Variants in ADAMTS5 observed in about 807,000 individuals in gnomAD.
ADAMTS5 encodes A disintegrin and metalloproteinase with thrombospondin motifs 5.
Under a neutral mutation model 81.4 loss-of-function variants are expected in ADAMTS5, and 54 were observed. The observed-to-expected ratio is 0.66, with a 90% CI of 0.53 to 0.83. The LOEUF (loss-of-function observed/expected upper bound fraction) is 0.83. ADAMTS5 is among the 40% of genes least tolerant of loss of function. The pLI is 0.00. For synonymous variants in ADAMTS5, 532 were observed against 508.8 expected (o/e 1.05, Z -0.61); for missense variants, 1,194 against 1,229.9 (o/e 0.97, Z 0.44).
rs1447852621 is a variant in ADAMTS5 at position 26,919,805 on chromosome 21, CTGTT to C, written c.*4244_*4247del. 6.6e-6 allele frequency: 1 copy of C among 152,022 alleles called. No homozygotes were observed. Among genetic ancestry groups the C allele is most frequent in the Admixed American group, 6.6e-5 (1 of 15,244 alleles). 9.4% of individuals were successfully genotyped at this position (152,022 alleles called of 1,614,324 possible). A position where few individuals can be genotyped will look rare whatever the true frequency, so the allele number is the denominator to read the frequency against. On this transcript the variant is annotated 3_prime_UTR_variant, in exon 8 of 8. Coordinates refer to ENST00000284987, the MANE Select transcript of ADAMTS5 (RefSeq NM_007038.5). Reference sequence around the variant, plus strand: ...GTACTAGCCAGTTAAGTTGATCTATCTGTTTGATAACCTAAAACTATAGATTGTT... The same window carrying C: ...GTACTAGCCAGTTAAGTTGATCTATCTGATAACCTAAAACTATAGATTGTT...
At chr21:26,927,483 C>T (rs547500007) in intron 7 of ADAMTS5, among the ~76,000 whole-genome samples, 17 of 152,204 alleles carry the variant, frequency 1.1e-4, no homozygotes, top group Admixed American at 1.1e-3. Context: ...GTGTTCCAGG[C>T]AGAGGAAACA....
chr21:26,954,949 C>T, intron 1 of ADAMTS5, 78 bp from the exon 2 acceptor site: 1 of 1,534,670 alleles, frequency 6.5e-7, no homozygotes, highest in Admixed American at 1.9e-5. Flanking sequence ...ACTTGCTTAC[C>T]CCAAATGGCA....
At chr21:26,937,763 T>A (rs1320613408) in intron 3 of ADAMTS5, among the ~76,000 whole-genome samples, 2 of 152,216 alleles carry the variant, frequency 1.3e-5, no homozygotes, top group East Asian at 3.8e-4. Flanking sequence ...GCATCCAACC[T>A]AGTGCTGATT....
In ADAMTS5 at chr21:26,921,971, A is replaced by T. The variant is rs1373429281; in HGVS notation, c.*2082T>A. 6.6e-6 allele frequency: 1 copy of T among 152,138 alleles called. No individual in the cohort carries two copies. Among genetic ancestry groups the T allele is most frequent in the East Asian group, 1.9e-4 (1 of 5,198 alleles). 9.4% of individuals were successfully genotyped at this position (152,138 alleles called of 1,614,324 possible). A position where few individuals can be genotyped will look rare whatever the true frequency, so the allele number is the denominator to read the frequency against. The stretch of plus-strand genomic sequence containing the variant: ...AAATAAATTTTGTCACATTTGAGTT[A>T]CTTGATTAAAATTATTTCCAAAATG... On this transcript the variant is annotated 3_prime_UTR_variant, in exon 8 of 8. Coordinates refer to ENST00000284987, the MANE Select transcript of ADAMTS5 (RefSeq NM_007038.5).
chr21:26,934,377 A>C, intron 4 of ADAMTS5, 89 bp downstream of exon 4: 9 of 1,484,968 alleles, frequency 6.1e-6, no homozygotes, highest in Non-Finnish European at 8.2e-6. Context: ...TAGAAAATAA[A>C]GCCTTCTGAG....
intron 1 of ADAMTS5, among the ~76,000 whole-genome samples, chr21:26,958,180 C>T (rs1483877634): frequency 5.3e-5 from 8 of 152,218 alleles, no homozygotes; most frequent in Admixed American, 1.3e-4. Context: ...AGTGCAAATA[C>T]GCTGAGGGAG....
chr21:26,944,407 T>C (rs1987174881), intron 2 of ADAMTS5, among the ~76,000 whole-genome samples: 1 of 152,184 alleles, frequency 6.6e-6, no homozygotes. Context: ...CCAGTCAAGC[T>C]AGATATTATT....
At chr21:26,939,784 A>G (rs1038226420) in intron 3 of ADAMTS5, 2 of 152,228 alleles carry the variant, frequency 1.3e-5, no homozygotes, top group Admixed American at 1.3e-4. Flanking sequence ...ACCTGCTTTC[A>G]CTGCACAATT....
Position 26,934,859 on chromosome 21 carries a change from A to G in ADAMTS5, c.1406-110T>C, listed in dbSNP as rs138323674. 6.9e-4 allele frequency: 961 copies of G among 1,384,038 alleles called. 5 individuals carry two copies. In the African/African-American group the frequency reaches 8.3e-3, roughly 12 times the overall value. 85.7% of individuals were successfully genotyped at this position (1,384,038 alleles called of 1,614,324 possible). A position where few individuals can be genotyped will look rare whatever the true frequency, so the allele number is the denominator to read the frequency against. On this transcript the variant is annotated intron_variant, in intron 3 of 7. Coordinates refer to ENST00000284987, the MANE Select transcript of ADAMTS5 (RefSeq NM_007038.5). ...GCTGGTGTTGGAGCACGAGGCACCC[A>G]TGAATCTGTAGTGTAATGCTCTGGA...
intron 6 of ADAMTS5, 60 bp from the exon 7 acceptor site, chr21:26,930,121 G>A: frequency 6.5e-7 from 1 of 1,534,600 alleles, no homozygotes. Flanking sequence ...TGCTCCTTTG[G>A]TCAACTAGTA....
In ADAMTS5 at chr21:26,919,771, T is replaced by C. The variant is rs993720950; in HGVS notation, c.*4282A>G. ...TGCTAACAAAGGATTCTTAGGAAGA[T>C]TTTTCAATGTACTAGCCAGTTAAGT... On this transcript the variant is annotated 3_prime_UTR_variant, in exon 8 of 8. Coordinates refer to ENST00000284987, the MANE Select transcript of ADAMTS5 (RefSeq NM_007038.5). 6.6e-6 allele frequency: 1 copy of C among 152,102 alleles called. No individual in the cohort carries two copies. Among genetic ancestry groups the C allele is most frequent in the Non-Finnish European group, 1.5e-5 (1 of 68,000 alleles). The allele number at this position is 152,102 out of a possible 1,614,324, so 9.4% of individuals were successfully genotyped here. A position where few individuals can be genotyped will look rare whatever the true frequency, so the allele number is the denominator to read the frequency against.
At chr21:26,927,544 G>A (rs988311866) in intron 7 of ADAMTS5, among the ~76,000 whole-genome samples, 8 of 152,166 alleles carry the variant, frequency 5.3e-5, no homozygotes, top group African/African-American at 1.7e-4. Flanking sequence ...AGTGCATTCT[G>A]GTCAGAGCAG....
rs753190231 is a variant in ADAMTS5, at chr21:26,924,222, G to A, written c.2624C>T (p.Ser875Leu). The A allele has an allele frequency of 2.4e-5, 39 of 1,614,090 alleles. No individual in the cohort carries two copies. Among genetic ancestry groups the A allele is most frequent in the African/African-American group, 1.9e-4 (14 of 74,942 alleles). The change falls in exon 8 of 8, where the codon TCG (serine) becomes TTG (leucine). Residue 875 changes from serine (S) to leucine (L), a missense_variant. Transcript: ENST00000284987. ...TGGGCCCGTGACCCACTGCGGCTGCGAAGTGTGTGATCCCACTTTATTGCT... is the reference window on the plus strand; with the variant it reads ...TGGGCCCGTGACCCACTGCGGCTGCAAAGTGTGTGATCCCACTTTATTGCT... ...HGSNKVGSHT[S>L]QPQWVTGPWL...
rs1986747336 is a variant in ADAMTS5 at position 26,923,832 on chromosome 21, A to G, written c.*221T>C. The G allele has an allele frequency of 2.0e-6, 1 of 488,590 alleles. No homozygotes were observed. The highest frequency in any genetic ancestry group is 3.1e-5 in the East Asian group (1 of 32,292). The allele number at this position is 488,590 out of a possible 1,614,324, so 30.3% of individuals were successfully genotyped here. On this transcript the variant is annotated 3_prime_UTR_variant, in exon 8 of 8. Transcript: ENST00000284987. ...TTCTTGTAAGCCCAGGGGATGTTCA[A>G]TAACTCCCAAGTTTTTCTATATTGC...
chr21:26,965,132 A>G (rs1467918052), intron 1 of ADAMTS5, among the ~76,000 whole-genome samples, 156 bp downstream of exon 1: 1 of 152,202 alleles, frequency 6.6e-6, no homozygotes, highest in Non-Finnish European at 1.5e-5. Context: ...TGAATACAGG[A>G]GCAGAGTTGA....
At chr21:26,965,154 AT>A in intron 1 of ADAMTS5, 133 bp downstream of exon 1, 1 of 1,346,770 alleles carries the variant, frequency 7.4e-7, no homozygotes, top group Non-Finnish European at 1.0e-6. Context: ...GGCTGGTTGG[AT>A]TTCCTGCAAG....
At position 26,920,686 on chromosome 21, in the gene ADAMTS5, G is replaced by C. The variant is rs1986674131; in HGVS notation, c.*3367C>G. ...TATTGGCTGTGTCTTAGCGTCTGTA[G>C]GAAGCTTCTAGGCTATTTGTGTACC... is the stretch of plus-strand genomic sequence containing the variant. On this transcript the variant is annotated 3_prime_UTR_variant, in exon 8 of 8. Transcript: ENST00000284987. 6.6e-6 allele frequency: 1 copy of C among 152,002 alleles called. No individual in the cohort carries two copies. 9.4% of individuals were successfully genotyped at this position (152,002 alleles called of 1,614,324 possible). A position where few individuals can be genotyped will look rare whatever the true frequency, so the allele number is the denominator to read the frequency against.
chr21:26,936,446 A>G (rs1019450290), intron 3 of ADAMTS5, among the ~76,000 whole-genome samples: 1 of 152,196 alleles, frequency 6.6e-6, no homozygotes, highest in African/African-American at 2.4e-5. Context: ...TATTCTTTTT[A>G]TTCAACAAAA....
intron 4 of ADAMTS5, among the ~76,000 whole-genome samples, chr21:26,933,831 G>A (rs556213105): frequency 6.6e-6 from 1 of 152,310 alleles, no homozygotes; most frequent in African/African-American, 2.4e-5. Context: ...GAAAGATACA[G>A]GCAATGGGCA....
Sources: gnomAD v4.1 joint callset for allele counts (sites outside exome capture counted in the v4.1 genomes callset) on GRCh38, gnomAD v4.1.1 for gene constraint, MANE v1.5 for transcripts, NCBI Gene and HGNC (gene_info 2026-07-23, HGNC 2026-07-21) for gene names.